Variants in TREH observed in about 807,000 individuals in gnomAD.
The protein encoded by TREH is trehalase, also known as alpha,alpha-trehalose glucohydrolase.
Under a neutral mutation model 80.5 loss-of-function variants are expected in TREH, and 69 were observed. The ratio of observed to expected loss-of-function variants is 0.86; its 90% CI spans 0.71 to 1.05. The LOEUF is 1.05. TREH is among the 50% of genes least tolerant of loss of function. TREH has a pLI of 0.00. For missense variants in TREH, 716 were observed against 718.8 expected, an observed-to-expected ratio of 1.00 and a Z score of 0.04; for synonymous variants, 309 against 293.5, an observed-to-expected ratio of 1.05 and a Z score of -0.54.
rs1195401917 is a variant in TREH at position 118,658,149 on chromosome 11, T to C, written c.*140A>G. ...GGGAGCTAGGCCCCTACCCATGACC[T>C]CCAGGTCGTGACCCTGCCCTCCACT... On this transcript the variant is annotated 3_prime_UTR_variant, in exon 15 of 15. Transcript: ENST00000264029. The C allele has an allele frequency of 4.9e-6, 6 of 1,236,334 alleles. No individual in the cohort carries two copies. In the Admixed American group the frequency reaches 1.6e-4, roughly 32 times the overall value. The allele number at this position is 1,236,334 out of a possible 1,614,324, so 76.6% of individuals were successfully genotyped here.
rs1555144477 is a variant in TREH, at chr11:118,659,821, A to G, written c.1246T>C (p.Ser416Pro). 5.7e-6 allele frequency: 9 copies of G among 1,574,886 alleles called. No individual in the cohort carries two copies. Among genetic ancestry groups the G allele is most frequent in the East Asian group, 2.3e-5 (1 of 42,974 alleles). ...KKKKNREFYPSNLTPLWAGCF... is the reference protein window; with the variant it reads ...KKKKNREFYPPNLTPLWAGCF... ...CCGGCCCAGAGTGGAGTGAGGTTGG[A>G]TGGGTAAAACTCCCGGTTTTTCTTC... Residue 416 changes from serine to proline, a missense_variant, in exon 11 of 15, where the codon TCC becomes CCC. Transcript: ENST00000264029.
rs782713933 is a variant in TREH, at chr11:118,658,484, C to T, written c.1600-43G>A. On this transcript the variant is annotated intron_variant, in intron 14 of 14. Coordinates refer to ENST00000264029, the MANE Select transcript of TREH (RefSeq NM_007180.3). ...GTGGGGCCAGTTTCTGGGGAAGCCT[C>T]ATACCCTTGGTGGGGGCTGTGGGCT... 5 of 1,599,370 alleles carry T rather than the reference C, an allele frequency of 3.1e-6. No individual in the cohort carries two copies. The South Asian group carries it at 4.5e-5, about 14-fold the overall frequency.
chr11:118,663,302 G>T lies in TREH; in HGVS notation c.190+37C>A, dbSNP rs201472664. The stretch of plus-strand genomic sequence containing the variant: ...GCCCCCTGCCTTCTTTGGAGAGAAG[G>T]TTCTCTGGAGAGGACGTTCAGCCCT... On this transcript the variant is annotated intron_variant, in intron 2 of 14. Transcript: ENST00000264029. 4.9e-4 allele frequency: 772 copies of T among 1,565,030 alleles called. 8 individuals are homozygous for T. In the South Asian group the frequency reaches 6.3e-3, roughly 13 times the overall value.
Position 118,663,443 on chromosome 11 carries a change from C to T in TREH, c.90-4G>A, listed in dbSNP as rs1949347809. 1 of 1,570,456 alleles carries T rather than the reference C, an allele frequency of 6.4e-7. No homozygotes were observed. Among genetic ancestry groups the T allele is most frequent in the Non-Finnish European group, 8.6e-7 (1 of 1,158,558 alleles). Reference sequence around the variant, plus strand: ...CTCCCCGTGGCAGTAAATCTCACTGCAGAGACAGGGATAGGAGCAGGTCAG... The same window carrying T: ...CTCCCCGTGGCAGTAAATCTCACTGTAGAGACAGGGATAGGAGCAGGTCAG... On this transcript the variant is annotated splice_region_variant and splice_polypyrimidine_tract_variant and intron_variant, in intron 1 of 14. Coordinates refer to ENST00000264029, the MANE Select transcript of TREH (RefSeq NM_007180.3).
intron 14 of TREH, 102 bp from the exon 15 acceptor site, chr11:118,658,543 A>G: frequency 6.6e-7 from 1 of 1,524,596 alleles, no homozygotes; most frequent in Non-Finnish European, 8.8e-7. Flanking sequence ...GCCTAACCCC[A>G]GCGGTACAGG....
At chr11:118,660,479 T>C in intron 10 of TREH, 60 bp downstream of exon 10, 1 of 1,495,476 alleles carries the variant, frequency 6.7e-7, no homozygotes, top group Non-Finnish European at 9.0e-7. Flanking sequence ...TCCAGTTCTA[T>C]TGCCAAGCCT....
At chr11:118,665,992 C>G (rs1247319379) in intron 1 of TREH, among the ~76,000 whole-genome samples, 12 of 152,212 alleles carry the variant, frequency 7.9e-5, no homozygotes, top group African/African-American at 2.7e-4. Context: ...AATCCCAGCA[C>G]TTTGGAAGGC....
chr11:118,668,986 G>A (rs1464092170), intron 1 of TREH, among the ~76,000 whole-genome samples: 1 of 151,982 alleles, frequency 6.6e-6, no homozygotes, highest in Non-Finnish European at 1.5e-5. Flanking sequence ...AATTAAATAT[G>A]GGCAAAAGAA....
chr11:118,664,545 G>A (rs1949359266), intron 1 of TREH, among the ~76,000 whole-genome samples: 2 of 152,162 alleles, frequency 1.3e-5, no homozygotes, highest in African/African-American at 4.8e-5. Context: ...ATGCAAATGT[G>A]CAAAATACTA....
In TREH at chr11:118,660,897, T is replaced by G; in HGVS notation, c.876A>C (p.Lys292Asn). 6.4e-7 allele frequency: 1 copy of G among 1,572,578 alleles called. No individual in the cohort carries two copies. The highest frequency in any genetic ancestry group is 2.3e-5 in the East Asian group (1 of 42,694). ...YGGPRPESYS[K>N]DVELADTLPE... ...GCAAGGTGTCAGCCAACTCCACATCTTTGCTGTAGGACTCAGGCCTGGCAA... is the reference window on the plus strand; with the variant it reads ...GCAAGGTGTCAGCCAACTCCACATCGTTGCTGTAGGACTCAGGCCTGGCAA... The change falls in exon 9 of 15, where the codon AAA becomes AAC. Residue 292 changes from lysine (K) to asparagine (N), a missense_variant. By Grantham distance (94) the Lys-to-Asn change is moderately conservative. Coordinates refer to ENST00000264029, the MANE Select transcript of TREH (RefSeq NM_007180.3).
At position 118,661,776 on chromosome 11, in the gene TREH, C is replaced by G; in HGVS notation, c.525-47G>C. 1 of 1,609,458 alleles carries G rather than the reference C, an allele frequency of 6.2e-7. No homozygotes were observed. The highest frequency in any genetic ancestry group is 1.7e-5 in the Admixed American group (1 of 59,958). Reference sequence around the variant, plus strand: ...CACCACCCTGCTGCCTCCCTCTGCCCTGCACACCAGCCAGTGGGGCACTCT... The same window carrying G: ...CACCACCCTGCTGCCTCCCTCTGCCGTGCACACCAGCCAGTGGGGCACTCT... On this transcript the variant is annotated intron_variant, in intron 5 of 14. Transcript: ENST00000264029. The surrounding 1 kb of genome is among the most constrained non-coding windows in gnomAD (Gnocchi z 4.2).
rs1480644900 is a variant in TREH, at chr11:118,659,878, C to T, written c.1189G>A (p.Gly397Arg). 11 of 1,552,002 alleles carry T rather than the reference C, an allele frequency of 7.1e-6. No individual in the cohort carries two copies. Among genetic ancestry groups the T allele is most frequent in the East Asian group, 4.9e-5 (2 of 40,986 alleles). ...TCAAGGTCGTAATCGAACCAGGCTC[C>T]GGTCTGCTCATCCCACAGGACTGTG... ...LNTVLWDEQT[G>R]AWFDYDLEKK... The change falls in exon 11 of 15, where the codon GGA becomes AGA. Residue 397 changes from glycine to arginine, a missense_variant. By Grantham distance (125) the Gly-to-Arg change is moderately radical. Coordinates refer to ENST00000264029, the MANE Select transcript of TREH (RefSeq NM_007180.3).
chr11:118,658,405 G>A lies in TREH; in HGVS notation c.1636C>T (p.Leu546=), dbSNP rs782520269. ...FGWTNGVVLM[L]LDRYGDRLTS... The stretch of plus-strand genomic sequence containing the variant: ...AGCCGGTCACCATAGCGGTCCAGCA[G>A]CATCAGGACCACGCCATTCGTCCAG... The change falls in exon 15 of 15, where the codon CTG becomes TTG. Residue 546 remains leucine (L), a synonymous_variant. Transcript: ENST00000264029. The A allele has an allele frequency of 6.2e-7, 1 of 1,611,208 alleles. No homozygotes were observed. The highest frequency in any genetic ancestry group is 2.2e-5 in the East Asian group (1 of 44,868).
At chr11:118,659,583 C>G in intron 11 of TREH, 102 bp from the exon 12 acceptor site, 1 of 1,355,072 alleles carries the variant, frequency 7.4e-7, no homozygotes, top group East Asian at 2.5e-5. Flanking sequence ...CTTCCTGGCT[C>G]TTCTTTTCTC....
intron 1 of TREH, among the ~76,000 whole-genome samples, chr11:118,673,920 C>T (rs775532205): frequency 6.6e-6 from 1 of 152,178 alleles, no homozygotes; most frequent in African/African-American, 2.4e-5. Flanking sequence ...GTTGGTCAAT[C>T]GAGAGCTGTC....
At position 118,657,369 on chromosome 11, in the gene TREH, A is replaced by G. The variant is rs1373746325; in HGVS notation, c.*920T>C. 2 of 153,798 alleles carry G rather than the reference A, an allele frequency of 1.3e-5. No homozygotes were observed. Among genetic ancestry groups the G allele is most frequent in the East Asian group, 3.9e-4 (2 of 5,188 alleles). The allele number at this position is 153,798 out of a possible 1,614,324, so 9.5% of individuals were successfully genotyped here. A position where few individuals can be genotyped will look rare whatever the true frequency, so the allele number is the denominator to read the frequency against. On this transcript the variant is annotated 3_prime_UTR_variant, in exon 15 of 15. Coordinates refer to ENST00000264029, the MANE Select transcript of TREH (RefSeq NM_007180.3). ...TAGTTGCAGACTCATCACCATGGTT[A>G]CCATAGTGACTGCTTCATTGCCATG...
In TREH at chr11:118,659,701, G is replaced by T. The variant is rs782684164; in HGVS notation, c.1320+46C>A. On this transcript the variant is annotated intron_variant, in intron 11 of 14. Coordinates refer to ENST00000264029, the MANE Select transcript of TREH (RefSeq NM_007180.3). ...CAGGTCCTGTTCAGGGTCGGGAGGG[G>T]GCGGTGCTGCCTGCAGTGGACCCGA... 5.2e-6 allele frequency: 8 copies of T among 1,547,008 alleles called. No homozygotes were observed. In the Admixed American group the frequency reaches 5.9e-5, roughly 11 times the overall value.
At chr11:118,662,132 C>CTGAACACAGGGCCTGGCCCCACGCAG in intron 4 of TREH, 142 bp from the exon 5 acceptor site, 2 of 664,274 alleles carry the variant, frequency 3.0e-6, no homozygotes, top group Non-Finnish European at 5.2e-6. Context: ...TGCTACTCAG[C>CTGAACACAGGGCCTGGCCCCACGCAG]CATGTAATCA....
At position 118,659,873 on chromosome 11, in the gene TREH, G is replaced by C; in HGVS notation, c.1194C>G (p.Ala398=). The change falls in exon 11 of 15, where the codon GCC becomes GCG. Residue 398 remains alanine, a synonymous_variant. Transcript: ENST00000264029. ...TCTTCTCAAGGTCGTAATCGAACCA[G>C]GCTCCGGTCTGCTCATCCCACAGGA... ...NTVLWDEQTG[A]WFDYDLEKKK... is the part of the protein sequence containing the mutation. 6.4e-7 allele frequency: 1 copy of C among 1,552,422 alleles called. No individual in the cohort carries two copies.
Sources: gnomAD v4.1 joint callset for allele counts (sites outside exome capture counted in the v4.1 genomes callset) on GRCh38, gnomAD v4.1.1 for gene constraint, Gnocchi (gnomAD v3.1) non-coding constraint, MANE v1.5 for transcripts, NCBI Gene and HGNC (gene_info 2026-07-23, HGNC 2026-07-21) for gene names.